CDH4: variants seen among roughly 807,000 people sequenced by gnomAD.
The protein encoded by CDH4 is cadherin-4.
A neutral mutation model predicts 86.0 loss-of-function variants in CDH4; 33 were observed. That is an observed-to-expected ratio of 0.38 (90% CI 0.29 to 0.51). CDH4 has a LOEUF of 0.51. Among genes scored for constraint, CDH4 ranks in the 20% least tolerant of loss-of-function variants. CDH4 has a pLI of 0.86. For missense variants in CDH4, 1,114 were observed against 1,307.4 expected (o/e 0.85, Z 2.28); for synonymous variants, 555 against 549.4 (o/e 1.01, Z -0.14).
intron 2 of CDH4, among the ~76,000 whole-genome samples, chr20:61,561,940 C>A (rs1364400683): frequency 6.6e-6 from 1 of 152,228 alleles, no homozygotes; most frequent in African/African-American, 2.4e-5. Flanking sequence ...AATGCTGTGT[C>A]TGGAAATCCT....
At chr20:61,300,644 C>T (rs886640116) in intron 2 of CDH4, among the ~76,000 whole-genome samples, 2 of 152,324 alleles carry the variant, frequency 1.3e-5, no homozygotes, top group Admixed American at 1.3e-4. Context: ...AGTGTTCCTC[C>T]TGCCCTGTTC....
chr20:61,853,129 C>T (rs941096126), intron 6 of CDH4, among the ~76,000 whole-genome samples: 26 of 152,300 alleles, frequency 1.7e-4, no homozygotes, highest in African/African-American at 6.0e-4. Flanking sequence ...CACAGCAGGG[C>T]CAACGGGCTG....
At chr20:61,762,813 C>A (rs972001549) in intron 3 of CDH4, among the ~76,000 whole-genome samples, 1 of 152,236 alleles carries the variant, frequency 6.6e-6, no homozygotes, top group African/African-American at 2.4e-5. Flanking sequence ...CCCAAAGAGC[C>A]ACTTTCTTGG....
At chr20:61,803,443 T>C (rs1187245046) in intron 4 of CDH4, among the ~76,000 whole-genome samples, 2 of 152,272 alleles carry the variant, frequency 1.3e-5, no homozygotes, top group East Asian at 3.8e-4. Context: ...TGTTCAACTT[T>C]ATTTGGAAAT....
Position 61,818,348 on chromosome 20 carries a change from A to C in CDH4, c.577-26320A>C, listed in dbSNP as rs368213048. Reference sequence around the variant, plus strand: ...CTGATTCTGGGCTTTACTTGGTGAGAACTGCCTTCCAGGTCTCTAGGTCAG... The same window carrying C: ...CTGATTCTGGGCTTTACTTGGTGAGCACTGCCTTCCAGGTCTCTAGGTCAG... On this transcript the variant is annotated intron_variant, in intron 4 of 15. Transcript: ENST00000614565. 1.3e-4 allele frequency among the ~76,000 whole-genome samples: 20 copies of C among 152,234 alleles called. No individual in the cohort carries two copies. In the South Asian group the frequency reaches 3.3e-3, roughly 25 times the overall value.
intron 2 of CDH4, among the ~76,000 whole-genome samples, chr20:61,319,969 T>G (rs1265184706): frequency 7.0e-6 from 1 of 142,220 alleles, no homozygotes; most frequent in Non-Finnish European, 1.5e-5. Context: ...AAAAAAAAAA[T>G]GGTGAATAGA....
chr20:61,644,290 G>A (rs576898364), intron 2 of CDH4, among the ~76,000 whole-genome samples: 4 of 152,246 alleles, frequency 2.6e-5, no homozygotes, highest in Admixed American at 6.5e-5. Flanking sequence ...CGTCACAGGC[G>A]CGTTTTAATC....
chr20:61,499,152 T>C (rs1600713817), intron 2 of CDH4, among the ~76,000 whole-genome samples: 1 of 152,324 alleles, frequency 6.6e-6, no homozygotes, highest in East Asian at 1.9e-4. Flanking sequence ...GCACTGTGGC[T>C]GTGGAGGTCA....
chr20:61,477,613 C>T lies in CDH4; in HGVS notation c.169+222676C>T, dbSNP rs140818810. Among the ~76,000 whole-genome samples the T allele has an allele frequency of 4.2e-3, 647 of 152,354 alleles. 9 individuals are homozygous for T. The highest frequency in any genetic ancestry group is 0.014 in the Admixed American group (213 of 15,314). On this transcript the variant is annotated intron_variant, in intron 2 of 15. Transcript: ENST00000614565. The stretch of plus-strand genomic sequence containing the variant: ...TTGAGCTCAGTCTGCTCCCAGCTGG[C>T]GCCTCTGCATCCTGCGGTTGACACA...
At chr20:61,576,364 G>A (rs185213504) in intron 2 of CDH4, among the ~76,000 whole-genome samples, 1 of 152,102 alleles carries the variant, frequency 6.6e-6, no homozygotes, top group Admixed American at 6.5e-5. Flanking sequence ...AGAGAATAAA[G>A]GTTCCTTGTG....
chr20:61,388,622 C>T (rs866071445), intron 2 of CDH4, among the ~76,000 whole-genome samples: 2 of 152,190 alleles, frequency 1.3e-5, no homozygotes, highest in Non-Finnish European at 2.9e-5. Flanking sequence ...TCTATTCTGT[C>T]GTTAGCGTTT....
At chr20:61,560,347 C>A (rs528463636) in intron 2 of CDH4, among the ~76,000 whole-genome samples, 1 of 152,190 alleles carries the variant, frequency 6.6e-6, no homozygotes, top group Non-Finnish European at 1.5e-5. Context: ...CTATGAAGAT[C>A]CTAGAGCCAA....
chr20:61,279,363 G>A (rs1440134176), intron 2 of CDH4, among the ~76,000 whole-genome samples: 2 of 152,118 alleles, frequency 1.3e-5, no homozygotes, highest in African/African-American at 4.8e-5. Flanking sequence ...CTCCTCCCAG[G>A]CAGCAAGGAA....
chr20:61,422,574 A>C (rs1282029152), intron 2 of CDH4, among the ~76,000 whole-genome samples: 2 of 152,060 alleles, frequency 1.3e-5, no homozygotes, highest in African/African-American at 4.8e-5. Context: ...CTAAGGGTGC[A>C]TGCCAGAAAT....
chr20:61,330,012 T>C (rs1236603319), intron 2 of CDH4, among the ~76,000 whole-genome samples: 1 of 152,186 alleles, frequency 6.6e-6, no homozygotes, highest in East Asian at 1.9e-4. Context: ...GCAAAGGACA[T>C]GATCTTGTTC....
chr20:61,771,680 G>A (rs2088777950), intron 3 of CDH4, among the ~76,000 whole-genome samples: 1 of 151,330 alleles, frequency 6.6e-6, no homozygotes, highest in Non-Finnish European at 1.5e-5. Context: ...GTATGCTTTG[G>A]TGCTATTTCT....
intron 3 of CDH4, among the ~76,000 whole-genome samples, chr20:61,745,292 A>G (rs1391601961): frequency 6.6e-6 from 1 of 152,196 alleles, no homozygotes; most frequent in African/African-American, 2.4e-5. Flanking sequence ...CTGTCTGACC[A>G]AGGAACCCTT....
At chr20:61,707,320 G>C (rs995149209) in intron 2 of CDH4, among the ~76,000 whole-genome samples, 1 of 152,256 alleles carries the variant, frequency 6.6e-6, no homozygotes, top group Non-Finnish European at 1.5e-5. Flanking sequence ...CTCTGCCTTC[G>C]TCAGTTGCTG....
At chr20:61,435,814 G>C (rs1308892555) in intron 2 of CDH4, 1 of 152,314 alleles carries the variant, frequency 6.6e-6, no homozygotes, top group African/African-American at 2.4e-5. Flanking sequence ...CAGAAGTCAG[G>C]GTTTTAAAGT....
Sources: allele counts gnomAD v4.1 joint callset (sites outside exome capture counted in the v4.1 genomes callset), GRCh38; gene constraint gnomAD v4.1.1; transcripts MANE v1.5; gene names NCBI Gene and HGNC (gene_info 2026-07-23, HGNC 2026-07-21).